The following MEIS3 variants were observed in gnomAD, a reference collection of about 807,000 sequenced individuals.
MEIS3 encodes the protein homeobox protein Meis3.
In MEIS3, 38 loss-of-function variants were observed where a neutral mutation model predicts 51.4. That is an observed-to-expected ratio of 0.74 (90% CI 0.57 to 0.97). The LOEUF is 0.97. MEIS3 is among the 50% of genes least tolerant of loss of function. The probability of loss-of-function intolerance (pLI) is 0.00; values close to 1 mark genes in which losing one functional copy is unlikely to be tolerated. For synonymous variants in MEIS3, 198 were observed against 201.8 expected (o/e 0.98, Z 0.16); for missense variants, 456 against 502.6 (o/e 0.91, Z 0.89).
At chr19:47,415,122 TG>T in intron 4 of MEIS3, 21 bp from the exon 5 acceptor site, 23 of 559,218 alleles carry the variant, frequency 4.1e-5, no homozygotes, top group East Asian at 1.6e-4. Context: ...GGGCGGGAGG[TG>T]GGGGGAGACA....
At chr19:47,417,952 C>T (rs1415771304) in intron 1 of MEIS3, 5 of 523,252 alleles carry the variant, frequency 9.6e-6, no homozygotes, top group African/African-American at 7.7e-5. Context: ...CACATGCACA[C>T]AGCCCAACAC....
At chr19:47,405,563 T>A (rs1970774001) in intron 12 of MEIS3, among the ~76,000 whole-genome samples, 2 of 119,278 alleles carry the variant, frequency 1.7e-5, no homozygotes, top group Non-Finnish European at 3.4e-5. Flanking sequence ...GAGGGCTCAA[T>A]TTTTTTTTTT....
chr19:47,417,065 G>A, intron 2 of MEIS3, 102 bp from the exon 3 acceptor site: 1 of 1,530,826 alleles, frequency 6.5e-7, no homozygotes, highest in Non-Finnish European at 8.8e-7. Context: ...GAGACCCAGA[G>A]AGGGAAGGAG....
At chr19:47,418,374 G>C (rs1971566121) in intron 1 of MEIS3, 1 of 152,992 alleles carries the variant, frequency 6.5e-6, no homozygotes, top group South Asian at 2.1e-4. Flanking sequence ...GTGCCCTGAA[G>C]TTGAATCCAA....
At chr19:47,416,553 T>C (rs1971417608) in intron 4 of MEIS3, 99 bp downstream of exon 4, 4 of 928,946 alleles carry the variant, frequency 4.3e-6, no homozygotes, top group Admixed American at 3.0e-5. Context: ...ATGGACCAGG[T>C]GGCCTTCTCT....
upstream of MEIS3, among the ~76,000 whole-genome samples, chr19:47,420,936 A>ACTCT (rs1160473837): frequency 6.4e-5 from 6 of 93,978 alleles, no homozygotes; most frequent in African/African-American, 3.3e-4. Flanking sequence ...ACACACACAC[A>ACTCT]CACACTCTCT....
At chr19:47,420,975 T>TCTCTCTCTCTCTC (rs1568434395), upstream of MEIS3, among the ~76,000 whole-genome samples, 223 of 79,024 alleles carry the variant, frequency 2.8e-3, no homozygotes, top group African/African-American at 0.012. Context: ...CTCTCTCTCT[T>TCTCTCTCTCTCTC]CCTGGCTGTC....
chr19:47,412,663 G>A (rs146233037), intron 6 of MEIS3, among the ~76,000 whole-genome samples: 1 of 152,328 alleles, frequency 6.6e-6, no homozygotes, highest in African/African-American at 2.4e-5. Flanking sequence ...CCGGGTTCAA[G>A]CAATTCTCCT....
chr19:47,407,508 G>A (rs766122473), intron 8 of MEIS3, 80 bp from the exon 9 acceptor site: 1 of 1,609,844 alleles, frequency 6.2e-7, no homozygotes, highest in South Asian at 1.1e-5. Context: ...CCGGGGTCCG[G>A]GGGATGGGGA....
chr19:47,417,404 G>C (rs748920113), intron 1 of MEIS3, 54 bp from the exon 2 acceptor site: 2 of 1,599,746 alleles, frequency 1.3e-6, no homozygotes, highest in South Asian at 2.2e-5. Flanking sequence ...TCAGCACCCC[G>C]AGACTCGGCT....
intron 1 of MEIS3, 32 bp downstream of exon 1, chr19:47,419,038 C>T (rs901569749): frequency 1.6e-6 from 2 of 1,242,812 alleles, no homozygotes; most frequent in Middle Eastern, 4.8e-4. Flanking sequence ...GCGGAAGCGG[C>T]CGGGACGCGG....
In MEIS3 at chr19:47,403,261, C is replaced by G. The variant is rs11556637; in HGVS notation, c.*310G>C. ...TTCCCTGACTGCCCAGCCACCCCGT[C>G]CCTTCTCTGTCCTGGCGGCGAGGCC... On this transcript the variant is annotated 3_prime_UTR_variant, in exon 13 of 13. Coordinates refer to ENST00000558555, the MANE Select transcript of MEIS3 (RefSeq NM_001301059.2). 0.024 allele frequency: 8,330 copies of G among 349,394 alleles called. 136 individuals carry two copies. The highest frequency in any genetic ancestry group is 0.033 in the Non-Finnish European group (5,968 of 178,150). The allele number at this position is 349,394 out of a possible 1,614,324, so 21.6% of individuals were successfully genotyped here.
chr19:47,404,372 G>T (rs537517733), intron 12 of MEIS3, among the ~76,000 whole-genome samples: 1 of 152,166 alleles, frequency 6.6e-6, no homozygotes, highest in South Asian at 2.1e-4. Flanking sequence ...CTCTCTCCCA[G>T]GCTCGGCCTC....
At position 47,406,500 on chromosome 19, in the gene MEIS3, C is replaced by T. The variant is rs1970824531; in HGVS notation, c.1105G>A (p.Glu369Lys). The T allele has an allele frequency of 6.2e-7, 1 of 1,613,956 alleles. No homozygotes were observed. Among genetic ancestry groups the T allele is most frequent in the Non-Finnish European group, 8.5e-7 (1 of 1,179,948 alleles). ...CTCTATAGATAATGCCATTCTCCTT[C>T]CAAGTTCAAACTCATCCCCACTGAT... ...PGSVGMSLNLEGEWHYL is the reference protein window; with the variant it reads ...PGSVGMSLNLKGEWHYL Residue 369 changes from glutamate to lysine, a missense_variant, in exon 12 of 13, where the codon GAA becomes AAA. Glu to Lys is a moderately conservative substitution (Grantham distance 56). Coordinates refer to ENST00000558555, the MANE Select transcript of MEIS3 (RefSeq NM_001301059.2).
At chr19:47,420,367 G>A (rs1210707167), upstream of MEIS3, among the ~76,000 whole-genome samples, 1 of 151,918 alleles carries the variant, frequency 6.6e-6, no homozygotes, top group African/African-American at 2.4e-5. Flanking sequence ...CTTAGCCCAG[G>A]CTGATTCTGA....
At chr19:47,414,141 G>A (rs113783706) in intron 6 of MEIS3, among the ~76,000 whole-genome samples, 209 of 151,926 alleles carry the variant, frequency 1.4e-3, no homozygotes, top group African/African-American at 4.7e-3. Flanking sequence ...GTGTGATCTC[G>A]GCTGCAGCCC....
chr19:47,412,966 A>G (rs934810784), intron 6 of MEIS3, among the ~76,000 whole-genome samples: 4 of 151,744 alleles, frequency 2.6e-5, no homozygotes, highest in African/African-American at 9.7e-5. Context: ...GGCCTCCCAA[A>G]GTACTGGGAT....
At chr19:47,416,360 A>T (rs760434355) in intron 4 of MEIS3, 17 of 399,320 alleles carry the variant, frequency 4.3e-5, no homozygotes, top group Non-Finnish European at 6.7e-5. Flanking sequence ...TCCAAGACAG[A>T]CATTACTACC....
chr19:47,406,418 G>C, intron 12 of MEIS3, 42 bp downstream of exon 12: 1 of 1,559,278 alleles, frequency 6.4e-7, no homozygotes, highest in Non-Finnish European at 8.8e-7. Context: ...GTCTAATGGA[G>C]GTTTGAGAAT....
Sources: gnomAD v4.1 joint callset for allele counts (sites outside exome capture counted in the v4.1 genomes callset) on GRCh38, gnomAD v4.1.1 for gene constraint, MANE v1.5 for transcripts, NCBI Gene and HGNC (gene_info 2026-07-23, HGNC 2026-07-21) for gene names.